Variants in XIRP2 observed in about 807,000 individuals in gnomAD.
XIRP2 encodes xin actin binding repeat containing 2, also known as xin actin-binding repeat-containing protein 2.
Under a neutral mutation model 277.0 loss-of-function variants are expected in XIRP2, and 236 were observed. That is an observed-to-expected ratio of 0.85 (90% CI 0.77 to 0.95). XIRP2 has a LOEUF of 0.95. Among genes scored for constraint, XIRP2 ranks in the 40% least tolerant of loss-of-function variants. The pLI, the probability that XIRP2 is intolerant of heterozygous loss-of-function variation, is 0.00. For synonymous variants in XIRP2, 1,490 were observed against 1,416.5 expected (o/e 1.05, Z -1.17); for missense variants, 4,640 against 4,157.5 (o/e 1.12, Z -3.19).
chr2:167,155,324 G>A (rs372210886), intron 3 of XIRP2, among the ~76,000 whole-genome samples: 13,692 of 149,798 alleles, frequency 0.091, 675 homozygotes, highest in South Asian at 0.14. Context: ...TATCCTTGAT[G>A]AACATTGATG....
intron 3 of XIRP2, among the ~76,000 whole-genome samples, chr2:167,200,700 T>TC (rs1693657688): frequency 6.6e-6 from 1 of 152,210 alleles, no homozygotes; most frequent in African/African-American, 2.4e-5. Flanking sequence ...TCTTTTTTTT[T>TC]CCTCTTCAAA....
At chr2:167,015,119 T>TA (rs1037174471) in intron 2 of XIRP2, among the ~76,000 whole-genome samples, 9 of 151,864 alleles carry the variant, frequency 5.9e-5, no homozygotes, top group African/African-American at 2.2e-4. Flanking sequence ...AAGTTGGTCA[T>TA]AAACAGCCCA....
At chr2:167,131,429 A>G (rs1449414811) in intron 2 of XIRP2, among the ~76,000 whole-genome samples, 1 of 152,132 alleles carries the variant, frequency 6.6e-6, no homozygotes, top group African/African-American at 2.4e-5. Flanking sequence ...ATCCACATTA[A>G]CATTGAAATG....
chr2:166,890,772 C>A (rs1004417354), intron 1 of XIRP2, among the ~76,000 whole-genome samples: 1 of 152,098 alleles, frequency 6.6e-6, no homozygotes, highest in African/African-American at 2.4e-5. Flanking sequence ...AAATATTTAA[C>A]AAATTTCTTC....
intron 3 of XIRP2, among the ~76,000 whole-genome samples, chr2:167,168,372 T>C (rs1692584399): frequency 6.6e-6 from 1 of 150,536 alleles, no homozygotes; most frequent in Non-Finnish European, 1.5e-5. Flanking sequence ...TCCCATTACA[T>C]TTTTTTTTGT....
At position 166,960,771 on chromosome 2, in the gene XIRP2, T is replaced by C. The variant is rs138782480; in HGVS notation, c.408+56881T>C. 4.3e-3 allele frequency among the ~76,000 whole-genome samples: 654 copies of C among 151,806 alleles called. 5 individuals are homozygous for C. Among genetic ancestry groups the C allele is most frequent in the African/African-American group, 0.015 (615 of 41,460 alleles). The stretch of plus-strand genomic sequence containing the variant: ...TTTGCAAAATACTTGATAATGAAAG[T>C]CAGCTCAGGAACTCTTTATAAGGAT... On this transcript the variant is annotated intron_variant, in intron 2 of 10. Coordinates refer to ENST00000409195, the MANE Select transcript of XIRP2 (RefSeq NM_152381.6).
At chr2:167,010,766 T>C (rs1687653500) in intron 2 of XIRP2, among the ~76,000 whole-genome samples, 1 of 152,132 alleles carries the variant, frequency 6.6e-6, no homozygotes. Flanking sequence ...TTTGTAGTTC[T>C]CCTTCAAGAG....
chr2:167,030,283 C>G (rs796908530), intron 2 of XIRP2, among the ~76,000 whole-genome samples: 3 of 152,042 alleles, frequency 2.0e-5, no homozygotes, highest in Admixed American at 6.6e-5. Context: ...TCTTTCTTCT[C>G]TAGTACTTTT....
intron 2 of XIRP2, among the ~76,000 whole-genome samples, chr2:167,012,166 T>G (rs1687697985): frequency 6.6e-6 from 1 of 151,968 alleles, no homozygotes; most frequent in Non-Finnish European, 1.5e-5. Context: ...GTGTCAATTT[T>G]GGATCTTTCC....
In XIRP2 at chr2:167,243,995, T is replaced by G. The variant is rs556174062; in HGVS notation, c.2603T>G (p.Ile868Arg). 55 of 1,613,990 alleles carry G rather than the reference T, an allele frequency of 3.4e-5. 2 individuals carry two copies. In the South Asian group the frequency reaches 5.6e-4, roughly 16 times the overall value. ...GATTCTCTACAACGTGAGGAGATAA[T>G]AGGTGGTGATGTACAAACTACTAAG... is the stretch of plus-strand genomic sequence containing the variant. ...DADSLQREEI[I>R]GGDVQTTKHL... The change falls in exon 9 of 11, where the codon ATA (isoleucine) becomes AGA (arginine). Residue 868 changes from isoleucine to arginine, a missense_variant. Ile to Arg is a moderately conservative substitution (Grantham distance 97). Transcript: ENST00000409195.
chr2:166,964,683 T>C (rs1183030947), intron 2 of XIRP2, among the ~76,000 whole-genome samples: 1 of 151,892 alleles, frequency 6.6e-6, no homozygotes, highest in African/African-American at 2.4e-5. Flanking sequence ...GAATCTTTGG[T>C]TACCTCGAAT....
At chr2:166,936,401 A>G (rs1449905633) in intron 2 of XIRP2, among the ~76,000 whole-genome samples, 2 of 152,212 alleles carry the variant, frequency 1.3e-5, no homozygotes, top group Non-Finnish European at 2.9e-5. Context: ...TACTGTGCAG[A>G]AGCTCTTTAG....
intron 2 of XIRP2, among the ~76,000 whole-genome samples, chr2:166,972,053 G>A (rs1356085631): frequency 1.3e-5 from 2 of 152,076 alleles, no homozygotes; most frequent in African/African-American, 4.8e-5. Context: ...AGAACCATTC[G>A]GAGGTGATTA....
intron 2 of XIRP2, among the ~76,000 whole-genome samples, chr2:167,071,834 A>T (rs2105251723): frequency 6.6e-6 from 1 of 152,296 alleles, no homozygotes; most frequent in East Asian, 1.9e-4. Flanking sequence ...GGTGGCTCTC[A>T]TGAGAAGATG....
At chr2:167,085,843 T>G (rs1219659613) in intron 2 of XIRP2, among the ~76,000 whole-genome samples, 2 of 152,138 alleles carry the variant, frequency 1.3e-5, no homozygotes, top group African/African-American at 2.4e-5. Flanking sequence ...TGTCTCTGCA[T>G]GTGAGATGGG....
At chr2:167,062,450 T>C (rs2105241290) in intron 2 of XIRP2, among the ~76,000 whole-genome samples, 1 of 152,316 alleles carries the variant, frequency 6.6e-6, no homozygotes, top group Admixed American at 6.5e-5. Flanking sequence ...TTGTTTCCTC[T>C]GTTCCCTGGG....
At chr2:167,007,998 C>T (rs935328625) in intron 2 of XIRP2, among the ~76,000 whole-genome samples, 2 of 151,342 alleles carry the variant, frequency 1.3e-5, no homozygotes, top group Non-Finnish European at 3.0e-5. Context: ...CACTTTGTGC[C>T]TACTTTTGTA....
At chr2:167,084,932 C>A (rs946452870) in intron 2 of XIRP2, among the ~76,000 whole-genome samples, 10 of 149,538 alleles carry the variant, frequency 6.7e-5, no homozygotes, top group Non-Finnish European at 1.3e-4. Flanking sequence ...TTTTTTGTGT[C>A]TCTATTTCCT....
At chr2:167,059,311 T>G (rs1689118664) in intron 2 of XIRP2, among the ~76,000 whole-genome samples, 1 of 151,086 alleles carries the variant, frequency 6.6e-6, no homozygotes. Context: ...AGAGATGGGG[T>G]TTCGCCATGT....
Sources: allele counts gnomAD v4.1 joint callset (sites outside exome capture counted in the v4.1 genomes callset), GRCh38; gene constraint gnomAD v4.1.1; transcripts MANE v1.5; gene names NCBI Gene and HGNC (gene_info 2026-07-23, HGNC 2026-07-21).